The following SGCD variants were observed in gnomAD, a reference collection of about 807,000 sequenced individuals.
SGCD encodes delta-sarcoglycan.
Under a neutral mutation model 36.6 loss-of-function variants are expected in SGCD, and 18 were observed. The ratio of observed to expected loss-of-function variants is 0.49; its 90% CI spans 0.34 to 0.73. The LOEUF (loss-of-function observed/expected upper bound fraction) is 0.73, where lower values mean the gene tolerates loss of function less well. Ranked by LOEUF, SGCD falls within the 30% of genes least tolerant of loss-of-function variation. SGCD has a pLI of 0.01. For missense variants in SGCD, 387 were observed against 346.7 expected (o/e 1.12, Z -0.92); for synonymous variants, 133 against 130.6 (o/e 1.02, Z -0.12).
chr5:155,817,935 A>G, the SGCD span, among the ~76,000 whole-genome samples: 1 of 152,228 alleles, frequency 6.6e-6, no homozygotes, highest in Non-Finnish European at 1.5e-5. Context: ...TGTAAGTTAA[A>G]ATAAAGCAAA....
At chr5:156,673,953 A>G (rs2113665279) in intron 7 of SGCD, among the ~76,000 whole-genome samples, 1 of 152,298 alleles carries the variant, frequency 6.6e-6, no homozygotes, top group South Asian at 2.1e-4. Flanking sequence ...GCATCTGTCT[A>G]TTAGTGTATG....
the SGCD span, among the ~76,000 whole-genome samples, chr5:155,797,035 A>G: frequency 2.6e-5 from 4 of 152,144 alleles, no homozygotes; most frequent in Admixed American, 2.6e-4. Flanking sequence ...GGAAGAAAAC[A>G]CCAATACTAC....
intron 1 of SGCD, among the ~76,000 whole-genome samples, chr5:155,956,689 G>A (rs142946105): frequency 5.3e-5 from 8 of 152,156 alleles, no homozygotes; most frequent in Admixed American, 5.2e-4. Flanking sequence ...TCAGCTTGTG[G>A]TGGCACCAGG....
chr5:155,967,243 T>C (rs1363688432), intron 1 of SGCD, among the ~76,000 whole-genome samples: 2 of 151,976 alleles, frequency 1.3e-5, no homozygotes, highest in Non-Finnish European at 2.9e-5. Flanking sequence ...GGTGTCTCTG[T>C]CTATTTAAGG....
At chr5:156,040,427 T>C (rs4601027) in intron 1 of SGCD, among the ~76,000 whole-genome samples, 23,730 of 152,234 alleles carry the variant, frequency 0.16, 2,167 homozygotes, top group Non-Finnish European at 0.21. Flanking sequence ...TGTGGATCTG[T>C]CCCTGATTAT....
At chr5:155,910,571 T>C (rs1469101794) in intron 1 of SGCD, among the ~76,000 whole-genome samples, 1 of 151,910 alleles carries the variant, frequency 6.6e-6, no homozygotes, top group Non-Finnish European at 1.5e-5. Context: ...TAAAAAAATA[T>C]CCACAGAGGG....
chr5:155,886,494 G>GTGTGTT (rs1756003823), intron 1 of SGCD, among the ~76,000 whole-genome samples: 2 of 151,074 alleles, frequency 1.3e-5, no homozygotes, highest in African/African-American at 4.9e-5. Context: ...GTGTGTGTGT[G>GTGTGTT]CGCGCACGCG....
chr5:156,220,958 G>A (rs1007148842), intron 3 of SGCD, among the ~76,000 whole-genome samples: 2 of 152,218 alleles, frequency 1.3e-5, no homozygotes, highest in Non-Finnish European at 2.9e-5. Context: ...GGACCAATAG[G>A]TGGATGTCAC....
At chr5:156,341,701 A>G (rs958202656) in intron 2 of SGCD, among the ~76,000 whole-genome samples, 1 of 152,082 alleles carries the variant, frequency 6.6e-6, no homozygotes, top group Non-Finnish European at 1.5e-5. Flanking sequence ...GTGTGTTTTT[A>G]AAATTTTATT....
intron 3 of SGCD, among the ~76,000 whole-genome samples, chr5:156,178,495 A>G (rs1763523861): frequency 6.6e-6 from 1 of 152,226 alleles, no homozygotes; most frequent in Non-Finnish European, 1.5e-5. Flanking sequence ...CTTTATACAT[A>G]TGCATCTCAG....
rs1322129578 is a variant in SGCD, at chr5:156,759,647, T to C, written c.*257T>C. 1 of 154,062 alleles carries C rather than the reference T, an allele frequency of 6.5e-6. No homozygotes were observed. The highest frequency in any genetic ancestry group is 1.4e-5 in the Non-Finnish European group (1 of 69,666). The allele number at this position is 154,062 out of a possible 1,614,324, so 9.5% of individuals were successfully genotyped here. ...AGGAACCATGGGTGACCCTGCGATA[T>C]CCACTGTCATTTTCCATCCCATCCC... On this transcript the variant is annotated 3_prime_UTR_variant, in exon 9 of 9. Coordinates refer to ENST00000337851, the MANE Select transcript of SGCD (RefSeq NM_000337.6).
chr5:156,018,337 A>G (rs961207441), intron 1 of SGCD, among the ~76,000 whole-genome samples: 4 of 152,228 alleles, frequency 2.6e-5, no homozygotes, highest in Non-Finnish European at 4.4e-5. Context: ...ATTAAGTTTT[A>G]TAACTACACT....
intron 6 of SGCD, among the ~76,000 whole-genome samples, chr5:156,599,073 A>G (rs1033101346): frequency 6.6e-6 from 1 of 152,186 alleles, no homozygotes; most frequent in Admixed American, 6.5e-5. Context: ...CACCCCACAA[A>G]TCTTGCATCA....
At chr5:156,404,866 A>T (rs537458464) in intron 3 of SGCD, among the ~76,000 whole-genome samples, 106 of 152,326 alleles carry the variant, frequency 7.0e-4, no homozygotes, top group Middle Eastern at 6.8e-3. Context: ...TGCTCCCTGG[A>T]GTAAATACCT....
intron 1 of SGCD, among the ~76,000 whole-genome samples, chr5:155,958,183 T>TA (rs1757705953): frequency 6.6e-6 from 1 of 152,136 alleles, no homozygotes. Context: ...ATGATGCTTA[T>TA]AAAAGTAGTT....
At chr5:156,613,248 T>C (rs1761896449) in intron 6 of SGCD, among the ~76,000 whole-genome samples, 1 of 152,216 alleles carries the variant, frequency 6.6e-6, no homozygotes, top group Non-Finnish European at 1.5e-5. Context: ...CATCTTGCTG[T>C]TTCATTGTGG....
chr5:156,652,939 T>A (rs960782178), intron 7 of SGCD, among the ~76,000 whole-genome samples: 7 of 152,202 alleles, frequency 4.6e-5, no homozygotes, highest in Non-Finnish European at 1.0e-4. Context: ...ATCCCAGGAA[T>A]AAAGGCTATT....
intron 7 of SGCD, among the ~76,000 whole-genome samples, chr5:156,677,690 T>TTAA (rs1561852522): frequency 1.4e-5 from 2 of 147,378 alleles, no homozygotes; most frequent in African/African-American, 5.0e-5. Context: ...AGTATATAGA[T>TTAA]AAAAAAAAAA....
At chr5:156,412,260 G>C (rs966230519) in intron 3 of SGCD, among the ~76,000 whole-genome samples, 3 of 152,198 alleles carry the variant, frequency 2.0e-5, no homozygotes, top group Non-Finnish European at 4.4e-5. Context: ...ATTCAGGCTG[G>C]TTAGCGTGAG....
Sources: gnomAD v4.1 joint callset for allele counts (sites outside exome capture counted in the v4.1 genomes callset) on GRCh38, gnomAD v4.1.1 for gene constraint, MANE v1.5 for transcripts, NCBI Gene and HGNC (gene_info 2026-07-23, HGNC 2026-07-21) for gene names.